DGKI: variants seen among roughly 807,000 people sequenced by gnomAD.
DGKI encodes the protein diacylglycerol kinase iota, also known as DAG kinase iota.
In DGKI, 55 loss-of-function variants were observed where a neutral mutation model predicts 147.5. The observed-to-expected ratio is 0.37, with a 90% CI of 0.30 to 0.47. The LOEUF (loss-of-function observed/expected upper bound fraction) is 0.47, where lower values mean the gene tolerates loss of function less well. Among genes scored for constraint, DGKI ranks in the 20% least tolerant of loss-of-function variants. The probability of loss-of-function intolerance (pLI) is 1.00; values close to 1 mark genes in which losing one functional copy is unlikely to be tolerated. For missense variants in DGKI, 1,007 were observed against 1,323.8 expected (o/e 0.76, Z 3.71); for synonymous variants, 469 against 477.1 (o/e 0.98, Z 0.22).
chr7:137,609,715 T>G (rs1017984782), intron 8 of DGKI, 106 bp from the exon 9 acceptor site: 31 of 712,016 alleles, frequency 4.4e-5, no homozygotes, highest in African/African-American at 5.4e-5. Context: ...TTCCACTGCA[T>G]GCTTCTCATG....
At chr7:137,651,049 T>A (rs1439806969) in intron 5 of DGKI, among the ~76,000 whole-genome samples, 4 of 152,206 alleles carry the variant, frequency 2.6e-5, no homozygotes, top group Admixed American at 2.6e-4. Flanking sequence ...GGGTTTGCTT[T>A]TGCTCTAAGA....
At chr7:137,664,434 A>C (rs1365376671) in intron 3 of DGKI, among the ~76,000 whole-genome samples, 2 of 152,064 alleles carry the variant, frequency 1.3e-5, no homozygotes, top group Non-Finnish European at 2.9e-5. Context: ...AGGAAAAAGA[A>C]AAAGAAAGCA....
intron 20 of DGKI, among the ~76,000 whole-genome samples, chr7:137,546,818 A>C (rs1167112716): frequency 1.3e-5 from 2 of 152,242 alleles, no homozygotes; most frequent in Admixed American, 1.3e-4. Context: ...CTTCTCATGC[A>C]AAGTCACCCA....
chr7:137,700,074 C>T (rs1182588262), intron 1 of DGKI, among the ~76,000 whole-genome samples: 1 of 152,140 alleles, frequency 6.6e-6, no homozygotes, highest in Non-Finnish European at 1.5e-5. Flanking sequence ...GACCTAACTA[C>T]CTACTTCGAT....
At chr7:137,517,560 T>C (rs1364981919) in intron 21 of DGKI, among the ~76,000 whole-genome samples, 1 of 152,164 alleles carries the variant, frequency 6.6e-6, no homozygotes, top group African/African-American at 2.4e-5. Context: ...AATAGTAATG[T>C]AGCAATATCA....
chr7:137,805,328 T>C (rs532534163), intron 1 of DGKI, among the ~76,000 whole-genome samples: 10 of 152,180 alleles, frequency 6.6e-5, no homozygotes, highest in Non-Finnish European at 1.2e-4. Context: ...CAATCACCAG[T>C]GCTGATTCTG....
intron 1 of DGKI, among the ~76,000 whole-genome samples, chr7:137,716,816 C>G (rs539246688): frequency 6.6e-6 from 1 of 152,218 alleles, no homozygotes; most frequent in Non-Finnish European, 1.5e-5. Flanking sequence ...CGATAGCTAG[C>G]CTATTCCTTT....
chr7:137,745,334 TCAGA>T lies in DGKI; in HGVS notation c.402-55336_402-55333del, dbSNP rs375344251. Among the ~76,000 whole-genome samples the T allele has an allele frequency of 5.6e-4, 85 of 152,342 alleles. 1 individual carries two copies. In the East Asian group the frequency reaches 0.016, roughly 28 times the overall value. On this transcript the variant is annotated intron_variant, in intron 1 of 32. Transcript: ENST00000614521. ...AAAGAAATCACCCAGTATAAAACCTTCAGACAAACACATTAAATGCAGTAGTCCC... is the reference window on the plus strand; with the variant it reads ...AAAGAAATCACCCAGTATAAAACCTTCAAACACATTAAATGCAGTAGTCCC...
chr7:137,799,215 T>C (rs1322222884), intron 1 of DGKI, among the ~76,000 whole-genome samples: 2 of 152,256 alleles, frequency 1.3e-5, no homozygotes, highest in East Asian at 3.9e-4. Context: ...ATAACATAGA[T>C]GAACCTTGAA....
chr7:137,771,594 G>T (rs1381302479), intron 1 of DGKI: 1 of 152,124 alleles, frequency 6.6e-6, no homozygotes, highest in Non-Finnish European at 1.5e-5. Context: ...CAATAAACAT[G>T]CATCTTTATC....
chr7:137,412,626 G>A (rs746739556), intron 28 of DGKI, among the ~76,000 whole-genome samples: 9 of 152,238 alleles, frequency 5.9e-5, no homozygotes, highest in Non-Finnish European at 8.8e-5. Flanking sequence ...CCACAGATGC[G>A]GAGTAACTGC....
At chr7:137,534,430 TTA>T (rs1254795396) in intron 20 of DGKI, among the ~76,000 whole-genome samples, 2 of 152,224 alleles carry the variant, frequency 1.3e-5, no homozygotes, top group Non-Finnish European at 2.9e-5. Flanking sequence ...TCCTTCCCGT[TTA>T]TAGTCTGCAT....
At chr7:137,642,446 G>A (rs1460541231) in intron 6 of DGKI, among the ~76,000 whole-genome samples, 6 of 152,060 alleles carry the variant, frequency 3.9e-5, no homozygotes, top group Non-Finnish European at 5.9e-5. Flanking sequence ...TTTTCTTGTG[G>A]TTCCACCCAC....
chr7:137,504,653 A>G (rs1391162609), intron 21 of DGKI, among the ~76,000 whole-genome samples: 1 of 152,212 alleles, frequency 6.6e-6, no homozygotes, highest in Non-Finnish European at 1.5e-5. Context: ...TTAAGCATCA[A>G]TTTTAGATTT....
intron 29 of DGKI, among the ~76,000 whole-genome samples, chr7:137,410,426 G>T (rs1236683215): frequency 3.3e-4 from 50 of 152,186 alleles, no homozygotes; most frequent in Admixed American, 1.3e-3. Flanking sequence ...ACAAAATAAG[G>T]TGTTATTAAG....
intron 20 of DGKI, 27 bp from the exon 21 acceptor site, chr7:137,521,993 A>G (rs1171089268): frequency 6.4e-7 from 1 of 1,568,184 alleles, no homozygotes; most frequent in South Asian, 1.1e-5. Flanking sequence ...GAGTGGTCAG[A>G]TACAAATGAG....
chr7:137,544,896 T>C (rs575996154), intron 20 of DGKI, among the ~76,000 whole-genome samples: 1 of 152,298 alleles, frequency 6.6e-6, no homozygotes, highest in African/African-American at 2.4e-5. Flanking sequence ...ACATGAATGA[T>C]AAACTCCAGT....
At chr7:137,548,022 G>A (rs773291237) in intron 20 of DGKI, among the ~76,000 whole-genome samples, 1 of 152,168 alleles carries the variant, frequency 6.6e-6, no homozygotes, top group Admixed American at 6.5e-5. Context: ...AGAGAATGAA[G>A]AAGGGAGTGA....
intron 21 of DGKI, among the ~76,000 whole-genome samples, chr7:137,500,329 C>A (rs562896163): frequency 6.6e-6 from 1 of 152,244 alleles, no homozygotes; most frequent in Admixed American, 6.5e-5. Flanking sequence ...ATACATTTTA[C>A]GTGTGCATGC....
Sources: gnomAD v4.1 joint callset for allele counts (sites outside exome capture counted in the v4.1 genomes callset) on GRCh38, gnomAD v4.1.1 for gene constraint, MANE v1.5 for transcripts, NCBI Gene and HGNC (gene_info 2026-07-23, HGNC 2026-07-21) for gene names.